CTNNA2: variants seen among roughly 807,000 people sequenced by gnomAD.
CTNNA2 encodes catenin alpha-2.
In CTNNA2, 42 loss-of-function variants were observed where a neutral mutation model predicts 101.0. That is an observed-to-expected ratio of 0.42 (90% CI 0.32 to 0.54). The LOEUF is 0.54. Among genes scored for constraint, CTNNA2 ranks in the 20% least tolerant of loss-of-function variants. The pLI, the probability that CTNNA2 is intolerant of heterozygous loss-of-function variation, is 0.14. For missense variants in CTNNA2, 871 were observed against 1,223.1 expected (o/e 0.71, Z 4.29); for synonymous variants, 450 against 456.4 (o/e 0.99, Z 0.18).
chr2:79,594,382 A>C (rs1677058710), intron 1 of CTNNA2, among the ~76,000 whole-genome samples: 1 of 152,178 alleles, frequency 6.6e-6, no homozygotes, highest in Admixed American at 6.5e-5. Flanking sequence ...TTATGATCCT[A>C]GGTGATTTAA....
At chr2:79,229,790 G>A (rs1471012602) in intron 2 of CTNNA2, among the ~76,000 whole-genome samples, 1 of 152,204 alleles carries the variant, frequency 6.6e-6, no homozygotes, top group Non-Finnish European at 1.5e-5. Flanking sequence ...TAGCAATATG[G>A]ACAATAAAGT....
intron 2 of CTNNA2, chr2:79,687,837 A>G: frequency 4.9e-6 from 2 of 411,178 alleles, no homozygotes; most frequent in Non-Finnish European, 4.3e-6. Context: ...GCAAGCCCTG[A>G]TTCAGTTTTT....
intron 7 of CTNNA2, among the ~76,000 whole-genome samples, chr2:79,931,253 A>G (rs1193813897): frequency 6.6e-6 from 1 of 152,194 alleles, no homozygotes; most frequent in Non-Finnish European, 1.5e-5. Context: ...ATTTAAATTC[A>G]TCTTGTCTTT....
intron 7 of CTNNA2, among the ~76,000 whole-genome samples, chr2:79,982,353 A>C (rs1574467349): frequency 8.3e-6 from 1 of 119,850 alleles, no homozygotes; most frequent in Non-Finnish European, 1.7e-5. Flanking sequence ...TATAACCTAT[A>C]TAACCTATAT....
At chr2:80,328,447 A>G in intron 7 of CTNNA2, 2 of 464,862 alleles carry the variant, frequency 4.3e-6, no homozygotes, top group South Asian at 3.1e-5. Context: ...GAGGAAGGAC[A>G]GTGTAGAGGG....
rs117778984 is a variant in CTNNA2, at chr2:79,735,401, G to A, written c.103-8986G>A. On this transcript the variant is annotated intron_variant, in intron 2 of 18. Coordinates refer to ENST00000402739, the MANE Select transcript of CTNNA2 (RefSeq NM_001282597.3). ...TCACATCTCACCGACAACATGAAAG[G>A]ATGATCCAGTTCCCAAATGCTCTAC... Among the ~76,000 whole-genome samples the A allele has an allele frequency of 1.9e-4, 29 of 152,194 alleles. No individual in the cohort carries two copies. The East Asian group carries it at 5.0e-3, about 26-fold the overall frequency.
intron 9 of CTNNA2, among the ~76,000 whole-genome samples, chr2:80,520,396 T>C (rs1164814291): frequency 1.3e-5 from 2 of 151,816 alleles, no homozygotes; most frequent in Non-Finnish European, 2.9e-5. Flanking sequence ...CACAGAGAAA[T>C]AGGGTTTACT....
At chr2:79,695,505 A>G (rs1684599886) in intron 2 of CTNNA2, among the ~76,000 whole-genome samples, 1 of 151,986 alleles carries the variant, frequency 6.6e-6, no homozygotes, top group South Asian at 2.1e-4. Flanking sequence ...ATGAAAGGAG[A>G]AAATGCACAT....
At chr2:80,404,351 G>A (rs758047435) in intron 8 of CTNNA2, among the ~76,000 whole-genome samples, 2 of 151,380 alleles carry the variant, frequency 1.3e-5, no homozygotes, top group Non-Finnish European at 2.9e-5. Flanking sequence ...CACAGCTCCT[G>A]GATTTGTTGA....
intron 18 of CTNNA2, among the ~76,000 whole-genome samples, chr2:80,643,973 G>A (rs780509717): frequency 3.9e-5 from 6 of 152,184 alleles, no homozygotes; most frequent in Non-Finnish European, 7.3e-5. Context: ...ATGTTAAAAG[G>A]ATGTTGCCAG....
At chr2:80,631,268 T>C (rs1461943886) in intron 18 of CTNNA2, among the ~76,000 whole-genome samples, 1 of 152,156 alleles carries the variant, frequency 6.6e-6, no homozygotes, top group Non-Finnish European at 1.5e-5. Context: ...TGGTTAAAAG[T>C]TGTCATCTTA....
intron 3 of CTNNA2, among the ~76,000 whole-genome samples, chr2:79,853,539 C>G (rs1444000908): frequency 6.6e-6 from 1 of 152,138 alleles, no homozygotes; most frequent in Non-Finnish European, 1.5e-5. Flanking sequence ...CACGCAGGCC[C>G]CTCCTTCAAG....
At chr2:79,291,093 C>G (rs1265128485) in intron 2 of CTNNA2, among the ~76,000 whole-genome samples, 1 of 152,172 alleles carries the variant, frequency 6.6e-6, no homozygotes, top group South Asian at 2.1e-4. Context: ...AAGACACCAG[C>G]CACTCCCTCT....
At chr2:79,998,734 T>G (rs1402390446) in intron 7 of CTNNA2, among the ~76,000 whole-genome samples, 1 of 152,206 alleles carries the variant, frequency 6.6e-6, no homozygotes. Flanking sequence ...GCCTAACCCC[T>G]TTAAAAGTAT....
At chr2:80,301,283 C>G (rs575863207) in intron 7 of CTNNA2, among the ~76,000 whole-genome samples, 4 of 152,342 alleles carry the variant, frequency 2.6e-5, no homozygotes, top group African/African-American at 7.2e-5. Flanking sequence ...CAGCCCTAAA[C>G]ATCGGGATTC....
chr2:79,275,560 C>CT (rs1015023791), intron 2 of CTNNA2, among the ~76,000 whole-genome samples: 7 of 151,616 alleles, frequency 4.6e-5, no homozygotes, highest in African/African-American at 7.3e-5. Flanking sequence ...AAAAAAGGAT[C>CT]TTTTTTTCAG....
intron 7 of CTNNA2, among the ~76,000 whole-genome samples, chr2:80,008,790 T>C (rs887631708): frequency 4.6e-5 from 7 of 152,216 alleles, no homozygotes; most frequent in African/African-American, 9.6e-5. Flanking sequence ...CCAGATGAGA[T>C]AACTTATGTA....
In CTNNA2 at chr2:80,596,248, T is replaced by C. The variant is rs548791019; in HGVS notation, c.2189+6763T>C. 1.3e-4 allele frequency among the ~76,000 whole-genome samples: 19 copies of C among 145,924 alleles called. No homozygotes were observed. In the South Asian group the frequency reaches 4.2e-3, roughly 32 times the overall value. On this transcript the variant is annotated intron_variant, in intron 15 of 18. Transcript: ENST00000402739. The stretch of plus-strand genomic sequence containing the variant: ...GACTTTACTGAAGTTGCTTATCGAC[T>C]TAAGGAGTTTTTTTGGGCTGAGACA...
intron 3 of CTNNA2, among the ~76,000 whole-genome samples, chr2:79,776,331 G>T (rs1318369179): frequency 6.6e-6 from 1 of 152,052 alleles, no homozygotes; most frequent in East Asian, 1.9e-4. Context: ...ATTCTTCTTG[G>T]CATGATAGTG....
Sources: gnomAD v4.1 joint callset for allele counts (sites outside exome capture counted in the v4.1 genomes callset) on GRCh38, gnomAD v4.1.1 for gene constraint, MANE v1.5 for transcripts, NCBI Gene and HGNC (gene_info 2026-07-23, HGNC 2026-07-21) for gene names.